Variants in CTNNA1 observed in about 807,000 individuals in gnomAD.
CTNNA1 encodes the protein catenin alpha-1.
A neutral mutation model predicts 98.4 loss-of-function variants in CTNNA1; 37 were observed. The observed-to-expected ratio is 0.38, with a 90% CI of 0.29 to 0.49. The LOEUF (loss-of-function observed/expected upper bound fraction) is 0.49, where lower values mean the gene tolerates loss of function less well. Among genes scored for constraint, CTNNA1 ranks in the 20% least tolerant of loss-of-function variants. CTNNA1 has a pLI of 0.95. For synonymous variants in CTNNA1, 404 were observed against 413.2 expected, an observed-to-expected ratio of 0.98 and a Z score of 0.27; for missense variants, 761 against 1,147.2, an observed-to-expected ratio of 0.66 and a Z score of 4.86.
chr5:138,893,130 C>G (rs574552865), intron 9 of CTNNA1, among the ~76,000 whole-genome samples: 19 of 152,330 alleles, frequency 1.2e-4, no homozygotes, highest in Admixed American at 5.9e-4. Context: ...TGTCCCAGCT[C>G]TCCTCTGAAT....
At chr5:138,847,167 T>C (rs1762794121) in intron 7 of CTNNA1, among the ~76,000 whole-genome samples, 2 of 152,246 alleles carry the variant, frequency 1.3e-5, no homozygotes, top group African/African-American at 4.8e-5. Context: ...TTTAGCAACA[T>C]TAACTTATTT....
chr5:138,883,705 G>A (rs543725642), intron 7 of CTNNA1, among the ~76,000 whole-genome samples: 3 of 152,264 alleles, frequency 2.0e-5, no homozygotes, highest in East Asian at 3.9e-4. Flanking sequence ...TAGAACAAAT[G>A]ATCTATTAGA....
chr5:138,806,324 T>A (rs867012252), intron 3 of CTNNA1, among the ~76,000 whole-genome samples: 8 of 152,244 alleles, frequency 5.3e-5, no homozygotes, highest in South Asian at 4.2e-4. Flanking sequence ...TTCCTCTCCT[T>A]ACTCTGCTGT....
intron 9 of CTNNA1, among the ~76,000 whole-genome samples, chr5:138,895,824 T>C (rs1472349425): frequency 1.3e-5 from 2 of 152,230 alleles, no homozygotes; most frequent in Non-Finnish European, 2.9e-5. Flanking sequence ...GAACAAAAGC[T>C]GTTATTTCAG....
chr5:138,786,275 C>T (rs1238583490), intron 3 of CTNNA1, among the ~76,000 whole-genome samples: 1 of 152,138 alleles, frequency 6.6e-6, no homozygotes, highest in East Asian at 1.9e-4. Flanking sequence ...ACTTTTTTCT[C>T]TTGGCTTACT....
At chr5:138,823,967 AAAAAAAAAAAAAAAAAAAATT>A (rs1356466157) in intron 5 of CTNNA1, among the ~76,000 whole-genome samples, 1 of 135,546 alleles carries the variant, frequency 7.4e-6, no homozygotes, top group Non-Finnish European at 1.5e-5. Context: ...AAAAAAAAAA[AAAAAAAAAAAAAAAAAAAATT>A]ATGTAACTTG....
chr5:138,884,107 T>A (rs915190745), intron 7 of CTNNA1, among the ~76,000 whole-genome samples: 3 of 152,200 alleles, frequency 2.0e-5, no homozygotes, highest in Non-Finnish European at 4.4e-5. Context: ...GGACAGAATT[T>A]ATAGGTAGAC....
intron 1 of CTNNA1, among the ~76,000 whole-genome samples, chr5:138,780,528 A>T (rs1045291534): frequency 5.4e-5 from 8 of 149,008 alleles, no homozygotes; most frequent in Admixed American, 2.7e-4. Flanking sequence ...TATTATTATT[A>T]TTTTTTAAGA....
intron 10 of CTNNA1, among the ~76,000 whole-genome samples, chr5:138,907,867 C>G (rs1456933156): frequency 6.6e-6 from 1 of 152,156 alleles, no homozygotes; most frequent in Non-Finnish European, 1.5e-5. Flanking sequence ...GGCAGCACTA[C>G]AGTTTGGAGT....
rs776209866 is a variant in CTNNA1 at position 138,904,408 on chromosome 5, G to A, written c.1356G>A (p.Met452Ile). 2.7e-5 allele frequency: 43 copies of A among 1,613,984 alleles called. No homozygotes were observed. Among genetic ancestry groups the A allele is most frequent in the Non-Finnish European group, 6.8e-6 (8 of 1,179,958 alleles). ...NNEEGVKLVRMSASQLEALCP... is the reference protein window; with the variant it reads ...NNEEGVKLVRISASQLEALCP... ...AAGAAGGTGTAAAGCTTGTTCGAAT[G>A]TCTGCAAGCCAGTTAGAAGCCCTCT... Residue 452 changes from methionine to isoleucine, a missense_variant, in exon 10 of 18, where the codon ATG (methionine) becomes ATA (isoleucine). Met to Ile is a conservative substitution (Grantham distance 10). Coordinates refer to ENST00000302763, the MANE Select transcript of CTNNA1 (RefSeq NM_001903.5).
chr5:138,887,566 C>T lies in CTNNA1; in HGVS notation c.1220C>T (p.Ala407Val), dbSNP rs992713245. The T allele has an allele frequency of 1.2e-6, 2 of 1,611,958 alleles. No homozygotes were observed. The highest frequency in any genetic ancestry group is 2.7e-5 in the African/African-American group (2 of 74,832). ...TNVPLLVLIEAAKNGNEKEVK... is the reference protein window; with the variant it reads ...TNVPLLVLIEVAKNGNEKEVK... The stretch of plus-strand genomic sequence containing the variant: ...GTTCCACTTTTGGTATTGATTGAAG[C>T]TGCAAAGAATGGAAATGAGAAAGAA... Residue 407 changes from alanine to valine, a missense_variant, in exon 9 of 18, where the codon GCT becomes GTT. Coordinates refer to ENST00000302763, the MANE Select transcript of CTNNA1 (RefSeq NM_001903.5).
intron 7 of CTNNA1, among the ~76,000 whole-genome samples, chr5:138,862,903 G>A (rs1764418361): frequency 6.6e-6 from 1 of 152,200 alleles, no homozygotes; most frequent in Non-Finnish European, 1.5e-5. Flanking sequence ...TGGATCTGTA[G>A]CATTTCACTC....
intron 10 of CTNNA1, among the ~76,000 whole-genome samples, chr5:138,906,813 C>T (rs771458755): frequency 1.3e-4 from 20 of 152,288 alleles, no homozygotes; most frequent in Non-Finnish European, 2.4e-4. Context: ...TCTTCAGATT[C>T]TCACCTGGGC....
At chr5:138,913,317 GC>G (rs1761054168) in intron 10 of CTNNA1, among the ~76,000 whole-genome samples, 1 of 151,694 alleles carries the variant, frequency 6.6e-6, no homozygotes, top group South Asian at 2.1e-4. Flanking sequence ...GTTTTTTCAG[GC>G]CAGGTGCTGT....
intron 3 of CTNNA1, among the ~76,000 whole-genome samples, chr5:138,802,232 TTTTAA>T (rs1315199185): frequency 6.6e-6 from 1 of 152,228 alleles, no homozygotes; most frequent in African/African-American, 2.4e-5. Flanking sequence ...GTTTATAATG[TTTTAA>T]TTTAGTACAT....
intron 1 of CTNNA1, among the ~76,000 whole-genome samples, chr5:138,756,328 G>C (rs72788832): frequency 6.6e-6 from 1 of 152,166 alleles, no homozygotes; most frequent in Non-Finnish European, 1.5e-5. Context: ...ACCGTGCCCA[G>C]CCTGATTTTT....
In CTNNA1 at chr5:138,897,210, T is replaced by C. The variant is rs375751330; in HGVS notation, c.1297-7139T>C. Among the ~76,000 whole-genome samples, 23 of 151,368 alleles carry C rather than the reference T, an allele frequency of 1.5e-4. No individual in the cohort carries two copies. The East Asian group carries it at 2.1e-3, about 14-fold the overall frequency. On this transcript the variant is annotated intron_variant, in intron 9 of 17. Coordinates refer to ENST00000302763, the MANE Select transcript of CTNNA1 (RefSeq NM_001903.5). ...ATGAATTTGCTACAATAAGATTCTA[T>C]TCCATGGACTACCTTGTGAATTAAG...
intron 5 of CTNNA1, among the ~76,000 whole-genome samples, chr5:138,813,846 G>A (rs185588702): frequency 6.6e-6 from 1 of 152,044 alleles, no homozygotes; most frequent in Non-Finnish European, 1.5e-5. Flanking sequence ...TTGAACTCCT[G>A]GGCTCAAGAG....
rs1722397068 is a variant in CTNNA1, at chr5:138,923,355, ATGTTTACTCT to A, written c.1547-1153_1547-1144del. Among the ~76,000 whole-genome samples, 3 of 152,322 alleles carry A rather than the reference ATGTTTACTCT, an allele frequency of 2.0e-5. No individual in the cohort carries two copies. In the South Asian group the frequency reaches 6.2e-4, roughly 32 times the overall value. On this transcript the variant is annotated intron_variant, in intron 11 of 17. Transcript: ENST00000302763. Reference sequence around the variant, plus strand: ...AATGTGTTTATGTTAGAAGTTTAATATGTTTACTCTTTTCATTAGTTCAGTGGTATAAACC... The same window carrying A: ...AATGTGTTTATGTTAGAAGTTTAATATTTCATTAGTTCAGTGGTATAAACC...
Sources: allele counts gnomAD v4.1 joint callset (sites outside exome capture counted in the v4.1 genomes callset), GRCh38; gene constraint gnomAD v4.1.1; transcripts MANE v1.5; gene names NCBI Gene and HGNC (gene_info 2026-07-23, HGNC 2026-07-21).